ST3GAL5: variants seen among roughly 807,000 people sequenced by gnomAD.
ST3GAL5 encodes lactosylceramide alpha-2,3-sialyltransferase.
ST3GAL5 carries 25 observed loss-of-function variants against 46.1 expected under a neutral mutation model. The observed-to-expected ratio is 0.54, with a 90% CI of 0.40 to 0.76. The LOEUF (loss-of-function observed/expected upper bound fraction) is 0.76. ST3GAL5 is among the 30% of genes least tolerant of loss of function. The pLI is 0.00. For missense variants in ST3GAL5, 431 were observed against 521.2 expected, an observed-to-expected ratio of 0.83 and a Z score of 1.69; for synonymous variants, 182 against 192.7, an observed-to-expected ratio of 0.94 and a Z score of 0.46.
chr2:85,851,932 T>C (rs1683561043), intron 3 of ST3GAL5, among the ~76,000 whole-genome samples: 1 of 152,248 alleles, frequency 6.6e-6, no homozygotes, highest in Non-Finnish European at 1.5e-5. Context: ...CGCTTGCAGG[T>C]TGCCCACAAT....
chr2:85,850,122 AGTT>A (rs1683314770), intron 3 of ST3GAL5: 1 of 152,172 alleles, frequency 6.6e-6, no homozygotes, highest in Non-Finnish European at 1.5e-5. Context: ...AGCTTTGATA[AGTT>A]GTTAGCATCC....
At position 85,846,502 on chromosome 2, in the gene ST3GAL5, T is replaced by C; in HGVS notation, c.724A>G (p.Met242Val). 6.2e-7 allele frequency: 1 copy of C among 1,614,208 alleles called. No individual in the cohort carries two copies. Among genetic ancestry groups the C allele is most frequent in the East Asian group, 2.2e-5 (1 of 44,886 alleles). Residue 242 changes from methionine to valine, a missense_variant, in exon 5 of 7, where the codon ATG becomes GTG. Met to Val is a conservative substitution (Grantham distance 21). Coordinates refer to ENST00000638572, the MANE Select transcript of ST3GAL5 (RefSeq NM_003896.4). ...AGTGGTGCGCCCTCTGGATAAGTCA[T>C]CCTTATAGTAGTTTTATTTCCAACA... is the stretch of plus-strand genomic sequence containing the variant. ...EHVGNKTTIR[M>V]TYPEGAPLSD...
chr2:85,888,787 G>GC, intron 1 of ST3GAL5, 37 bp downstream of exon 1: 2 of 1,181,862 alleles, frequency 1.7e-6, no homozygotes, highest in East Asian at 3.7e-5. Context: ...CAGCCCGCGG[G>GC]CCCCCGCGAC....
intron 1 of ST3GAL5, among the ~76,000 whole-genome samples, chr2:85,871,130 C>T (rs1417489768): frequency 5.3e-5 from 8 of 151,676 alleles, no homozygotes; most frequent in South Asian, 2.1e-4. Context: ...CTTGACCTCC[C>T]GGCTCAAGCA....
At position 85,848,472 on chromosome 2, in the gene ST3GAL5, C is replaced by A. The variant is rs1275703450; in HGVS notation, c.319-268G>T. On this transcript the variant is annotated intron_variant, in intron 3 of 6. Coordinates refer to ENST00000638572, the MANE Select transcript of ST3GAL5 (RefSeq NM_003896.4). ...AAGAAGGACTCCCGCCTCCCACCCC[C>A]AGCCTAACACTGTTCAAATACATTT... 3.2e-6 allele frequency: 4 copies of A among 1,266,346 alleles called. No individual in the cohort carries two copies. In the African/African-American group the frequency reaches 4.5e-5, roughly 14 times the overall value. The allele number at this position is 1,266,346 out of a possible 1,614,324, so 78.4% of individuals were successfully genotyped here.
In ST3GAL5 at chr2:85,840,377, C is replaced by T. The variant is rs367638648; in HGVS notation, c.1024G>A (p.Gly342Ser). 2 of 1,613,888 alleles carry T rather than the reference C, an allele frequency of 1.2e-6. No homozygotes were observed. Among genetic ancestry groups the T allele is most frequent in the Non-Finnish European group, 1.7e-6 (2 of 1,180,004 alleles). ...WGRDKNVPTI[G>S]VIAVVLATHL... The stretch of plus-strand genomic sequence containing the variant: ...GTGGCTAAGACAACGGCAATGACAC[C>T]GATTGTGGGGACGTTCTGAGAAAGG... The change falls in exon 7 of 7, where the codon GGT (glycine) becomes AGT (serine). Residue 342 changes from glycine to serine, a missense_variant. Transcript: ENST00000638572.
Position 85,838,944 on chromosome 2 carries a change from G to A in ST3GAL5, c.*1200C>T, listed in dbSNP as rs1681696964. 1 of 152,380 alleles carries A rather than the reference G, an allele frequency of 6.6e-6. No homozygotes were observed. Among genetic ancestry groups the A allele is most frequent in the African/African-American group, 2.4e-5 (1 of 41,438 alleles). 9.4% of individuals were successfully genotyped at this position (152,380 alleles called of 1,614,324 possible). ...CAGAAGCTAGGGGCAGCCTGTCTTT[G>A]GGGAGGAAGCCACCGACACCCAGCA... is the stretch of plus-strand genomic sequence containing the variant. On this transcript the variant is annotated 3_prime_UTR_variant, in exon 7 of 7. Coordinates refer to ENST00000638572, the MANE Select transcript of ST3GAL5 (RefSeq NM_003896.4).
At chr2:85,877,498 G>A (rs1686712966) in intron 1 of ST3GAL5, among the ~76,000 whole-genome samples, 1 of 152,188 alleles carries the variant, frequency 6.6e-6, no homozygotes, top group South Asian at 2.1e-4. Flanking sequence ...ATTTTTGGCT[G>A]GAATATCACA....
intron 3 of ST3GAL5, among the ~76,000 whole-genome samples, chr2:85,858,877 G>A (rs1684431395): frequency 6.6e-6 from 1 of 152,186 alleles, no homozygotes; most frequent in Non-Finnish European, 1.5e-5. Flanking sequence ...TGATTCCTCA[G>A]GGAGGTGATC....
At chr2:85,875,826 G>A (rs1394256264) in intron 1 of ST3GAL5, among the ~76,000 whole-genome samples, 1 of 152,068 alleles carries the variant, frequency 6.6e-6, no homozygotes, top group Non-Finnish European at 1.5e-5. Context: ...GGGCTAGGGA[G>A]TTTCAGAGGA....
chr2:85,875,067 T>C (rs897276254), intron 1 of ST3GAL5, among the ~76,000 whole-genome samples: 1 of 152,064 alleles, frequency 6.6e-6, no homozygotes, highest in Non-Finnish European at 1.5e-5. Context: ...GATCTTTTTG[T>C]TGTTGTTTTT....
intron 6 of ST3GAL5, among the ~76,000 whole-genome samples, chr2:85,841,822 T>C (rs1030769295): frequency 2.0e-5 from 3 of 152,198 alleles, no homozygotes; most frequent in Non-Finnish European, 2.9e-5. Context: ...TCGTGCTTTC[T>C]GGATCTCCAT....
chr2:85,864,872 G>C (rs1685126678), intron 1 of ST3GAL5, among the ~76,000 whole-genome samples: 2 of 152,158 alleles, frequency 1.3e-5, no homozygotes, highest in Admixed American at 1.3e-4. Context: ...CTAAGTTTTA[G>C]CCAATGGGAT....
At chr2:85,855,161 C>G (rs996354170) in intron 3 of ST3GAL5, 1 of 152,176 alleles carries the variant, frequency 6.6e-6, no homozygotes, top group Non-Finnish European at 1.5e-5. Context: ...TGGGAAGGAC[C>G]CAGTGGTAGA....
chr2:85,878,276 C>T (rs1272706822), intron 1 of ST3GAL5, among the ~76,000 whole-genome samples: 1 of 152,190 alleles, frequency 6.6e-6, no homozygotes, highest in Non-Finnish European at 1.5e-5. Context: ...AAGAACAGAA[C>T]ATTTAAAAAT....
intron 3 of ST3GAL5, chr2:85,849,228 A>C (rs1195883136): frequency 6.6e-6 from 1 of 152,070 alleles, no homozygotes; most frequent in Non-Finnish European, 1.5e-5. Context: ...AAATTTTTTA[A>C]AAAATGGGTC....
intron 4 of ST3GAL5, chr2:85,847,645 A>C (rs1423954642): frequency 7.3e-5 from 95 of 1,304,822 alleles, no homozygotes; most frequent in Non-Finnish European, 8.9e-5. Flanking sequence ...AAAAATATAA[A>C]AAATTAGCCA....
chr2:85,862,030 G>A (rs1573646876), intron 2 of ST3GAL5, among the ~76,000 whole-genome samples: 1 of 150,870 alleles, frequency 6.6e-6, no homozygotes, highest in East Asian at 1.9e-4. Flanking sequence ...CTAAATAAAG[G>A]GGCAGTTTTT....
At chr2:85,844,763 G>A (rs906033344) in intron 5 of ST3GAL5, 26 of 630,408 alleles carry the variant, frequency 4.1e-5, no homozygotes, top group Admixed American at 1.2e-4. Context: ...TCACACAGGC[G>A]GCACTGGACA....
Sources: allele counts gnomAD v4.1 joint callset (sites outside exome capture counted in the v4.1 genomes callset), GRCh38; gene constraint gnomAD v4.1.1; transcripts MANE v1.5; gene names NCBI Gene and HGNC (gene_info 2026-07-23, HGNC 2026-07-21).